CHD9: variants seen among roughly 807,000 people sequenced by gnomAD.
The protein encoded by CHD9 is ATP-dependent chromatin remodeler CHD9.
A neutral mutation model predicts 316.1 loss-of-function variants in CHD9; 77 were observed. The observed-to-expected ratio is 0.24, with a 90% CI of 0.20 to 0.29. CHD9 has a LOEUF of 0.29. Among genes scored for constraint, CHD9 ranks in the 10% least tolerant of loss-of-function variants. CHD9 has a pLI of 1.00. For synonymous variants in CHD9, 1,129 were observed against 1,158.3 expected, an observed-to-expected ratio of 0.97 and a Z score of 0.51; for missense variants, 2,763 against 3,438.1, an observed-to-expected ratio of 0.80 and a Z score of 4.91.
intron 1 of CHD9, among the ~76,000 whole-genome samples, chr16:53,134,952 C>T (rs895001891): frequency 6.6e-6 from 1 of 152,112 alleles, no homozygotes; most frequent in Admixed American, 6.5e-5. Flanking sequence ...TGGAAAATTA[C>T]AACTTATGAT....
chr16:53,291,149 G>A (rs2054300321), intron 27 of CHD9, among the ~76,000 whole-genome samples: 1 of 152,104 alleles, frequency 6.6e-6, no homozygotes. Flanking sequence ...TACCCACAAA[G>A]GAATTATGAT....
chr16:53,140,883 T>C (rs1396132851), intron 1 of CHD9, among the ~76,000 whole-genome samples: 3 of 152,198 alleles, frequency 2.0e-5, no homozygotes, highest in Admixed American at 6.5e-5. Flanking sequence ...AGTTTTCCTT[T>C]CTGTGACATG....
At chr16:53,296,434 A>ATTTTTTTTTTTTTTTT (rs35618799) in intron 29 of CHD9, among the ~76,000 whole-genome samples, 1 of 101,764 alleles carries the variant, frequency 9.8e-6, no homozygotes, top group African/African-American at 4.1e-5. Flanking sequence ...TTAAAAGTAA[A>ATTTTTTTTTTTTTTTT]TTTTTTTTTT....
chr16:53,080,659 C>T (rs1218005441), intron 1 of CHD9, among the ~76,000 whole-genome samples: 1 of 152,166 alleles, frequency 6.6e-6, no homozygotes, highest in African/African-American at 2.4e-5. Context: ...AGCCAGGAAG[C>T]GTAGTAAATA....
intron 1 of CHD9, among the ~76,000 whole-genome samples, chr16:53,091,278 G>T (rs1330353281): frequency 2.0e-5 from 3 of 152,336 alleles, no homozygotes; most frequent in African/African-American, 7.2e-5. Context: ...GAGTCAGACA[G>T]AACTGAGTTC....
intron 1 of CHD9, among the ~76,000 whole-genome samples, chr16:53,102,852 TC>T (rs1444484256): frequency 1.3e-5 from 2 of 151,954 alleles, no homozygotes; most frequent in African/African-American, 2.4e-5. Context: ...CCTGTCTCTT[TC>T]TTTTTTTGGG....
chr16:53,318,457 A>G (rs2057039227), intron 37 of CHD9, 117 bp downstream of exon 37: 4 of 779,090 alleles, frequency 5.1e-6, no homozygotes, highest in African/African-American at 3.5e-5. Flanking sequence ...AGTTGAATCT[A>G]TCAGATTTCT....
chr16:53,140,010 G>A (rs2039984781), intron 1 of CHD9, among the ~76,000 whole-genome samples: 1 of 151,764 alleles, frequency 6.6e-6, no homozygotes, highest in Admixed American at 6.6e-5. Context: ...GAGGTGGCAG[G>A]ATTGCTTGAG....
At chr16:53,073,181 G>A (rs1372110572) in intron 1 of CHD9, among the ~76,000 whole-genome samples, 1 of 152,176 alleles carries the variant, frequency 6.6e-6, no homozygotes, top group Non-Finnish European at 1.5e-5. Flanking sequence ...TCTGCTGTGT[G>A]TCTCTATGAA....
At chr16:53,090,004 G>A (rs1335748981) in intron 1 of CHD9, among the ~76,000 whole-genome samples, 1 of 152,220 alleles carries the variant, frequency 6.6e-6, no homozygotes, top group Non-Finnish European at 1.5e-5. Context: ...TTCTTTCAAG[G>A]GAACTTGATC....
At chr16:53,236,495 G>GGCCATCCCTGAAGACTATT (rs2048630810) in intron 11 of CHD9, among the ~76,000 whole-genome samples, 1 of 151,768 alleles carries the variant, frequency 6.6e-6, no homozygotes, top group African/African-American at 2.4e-5. Context: ...TATATCTCCA[G>GGCCATCCCTGAAGACTATT]GCCATCCCTG....
chr16:53,116,403 C>T (rs959675016), intron 1 of CHD9, among the ~76,000 whole-genome samples: 1 of 152,236 alleles, frequency 6.6e-6, no homozygotes, highest in Middle Eastern at 3.4e-3. Context: ...TATGTTCTTG[C>T]CAAATAGTAC....
At chr16:53,095,455 A>G (rs2036298957) in intron 1 of CHD9, among the ~76,000 whole-genome samples, 1 of 152,104 alleles carries the variant, frequency 6.6e-6, no homozygotes, top group African/African-American at 2.4e-5. Context: ...AGGCTGAGGC[A>G]GGAGGATTGC....
chr16:53,208,637 G>GA (rs2046078246), intron 2 of CHD9: 2 of 992,692 alleles, frequency 2.0e-6, no homozygotes, highest in South Asian at 4.4e-5. Context: ...AAGCACACTG[G>GA]AATCAGCATG....
chr16:53,297,058 T>C lies in CHD9; in HGVS notation c.5613T>C (p.Ala1871=). 6.2e-7 allele frequency: 1 copy of C among 1,613,760 alleles called. No homozygotes were observed. The highest frequency in any genetic ancestry group is 1.3e-5 in the African/African-American group (1 of 75,034). ...AATTTGATTGGACAAAATTTAGAGC[T>C]ATGGCTAGGCTACATAAGAAAACTG... ...RGQFDWTKFR[A]MARLHKKTDD... The change falls in exon 30 of 39, where the codon GCT becomes GCC. Residue 1871 remains alanine, a synonymous_variant. Transcript: ENST00000447540.
intron 1 of CHD9, among the ~76,000 whole-genome samples, chr16:53,075,813 T>G (rs1402753991): frequency 6.6e-6 from 1 of 152,346 alleles, no homozygotes; most frequent in Middle Eastern, 3.4e-3. Context: ...GGTAATTTCA[T>G]TTTTAATCTT....
In CHD9 at chr16:53,297,170, A is replaced by G. The variant is rs1216385742; in HGVS notation, c.5713+12A>G. 6.3e-7 allele frequency: 1 copy of G among 1,594,364 alleles called. No homozygotes were observed. The highest frequency in any genetic ancestry group is 8.6e-7 in the Non-Finnish European group (1 of 1,168,674). ...TCCTTCCAAAGAAGGTATGTATAAAATTTCTTTTTCCTGGTTTCGGTCAAA... is the reference window on the plus strand; with the variant it reads ...TCCTTCCAAAGAAGGTATGTATAAAGTTTCTTTTTCCTGGTTTCGGTCAAA... On this transcript the variant is annotated intron_variant, in intron 30 of 38. Transcript: ENST00000447540.
At chr16:53,311,035 A>G (rs896607257) in intron 34 of CHD9, 4 of 151,974 alleles carry the variant, frequency 2.6e-5, no homozygotes, top group African/African-American at 9.7e-5. Flanking sequence ...AAAATTTAAA[A>G]ATTAGCTGGA....
Position 53,273,695 on chromosome 16 carries a change from T to C in CHD9, c.4787T>C (p.Ile1596Thr), listed in dbSNP as rs1269927697. 4.3e-6 allele frequency: 7 copies of C among 1,613,402 alleles called. 1 individual carries two copies. The highest frequency in any genetic ancestry group is 2.2e-5 in the South Asian group (2 of 91,026). The change falls in exon 23 of 39, where the codon ATA becomes ACA. Residue 1596 changes from isoleucine (I) to threonine (T), a missense_variant. Ile to Thr is a moderately conservative substitution (Grantham distance 89). This residue lies in a region of CHD9 where 99 missense variants were observed against 131.6 expected (regional missense o/e 0.75). Coordinates refer to ENST00000447540, the MANE Select transcript of CHD9 (RefSeq NM_001308319.2). ...KVKTQTSSFD[I>T]QKAEWLRKYN... ...AAAACTCAAACAAGCTCATTTGATATACAAAAAGCAGAATGGCTTCGAAAA... is the reference window on the plus strand; with the variant it reads ...AAAACTCAAACAAGCTCATTTGATACACAAAAAGCAGAATGGCTTCGAAAA...
Sources: allele counts gnomAD v4.1 joint callset (sites outside exome capture counted in the v4.1 genomes callset), GRCh38; gene constraint gnomAD v4.1.1; regional missense constraint gnomAD v4.1.1; transcripts MANE v1.5; gene names NCBI Gene and HGNC (gene_info 2026-07-23, HGNC 2026-07-21).